KHDRBS2: variants seen among roughly 807,000 people sequenced by gnomAD.
The protein encoded by KHDRBS2 is KH domain-containing, RNA-binding, signal transduction-associated protein 2.
Under a neutral mutation model 44.3 loss-of-function variants are expected in KHDRBS2, and 26 were observed. The observed-to-expected ratio is 0.59, with a 90% CI of 0.43 to 0.81. The LOEUF is 0.81. Among genes scored for constraint, KHDRBS2 ranks in the 40% least tolerant of loss-of-function variants. KHDRBS2 has a pLI of 0.00. For synonymous variants in KHDRBS2, 194 were observed against 151.1 expected, an observed-to-expected ratio of 1.28 and a Z score of -2.08; for missense variants, 476 against 433.1, an observed-to-expected ratio of 1.10 and a Z score of -0.88.
chr6:61,783,641 GAAATAA>G lies in KHDRBS2; in HGVS notation c.811-50883_811-50878del, dbSNP rs1783363059. Among the ~76,000 whole-genome samples, 3 of 151,950 alleles carry G rather than the reference GAAATAA, an allele frequency of 2.0e-5. 1 individual carries two copies. The South Asian group carries it at 6.2e-4, about 32-fold the overall frequency. ...ATAAAATCAAATCGATTTTCTTGCT[GAAATAA>G]ACTTATATAATTAAGATTATCCATG... On this transcript the variant is annotated intron_variant, in intron 6 of 8. Coordinates refer to ENST00000281156, the MANE Select transcript of KHDRBS2 (RefSeq NM_152688.4).
At chr6:62,041,691 T>C (rs369004308) in intron 3 of KHDRBS2, among the ~76,000 whole-genome samples, 43 of 152,244 alleles carry the variant, frequency 2.8e-4, no homozygotes, top group African/African-American at 9.1e-4. Flanking sequence ...ATTAGGTCCC[T>C]GAAAGTTTCC....
chr6:62,008,520 G>T (rs1261281455), intron 3 of KHDRBS2, among the ~76,000 whole-genome samples: 2 of 152,134 alleles, frequency 1.3e-5, no homozygotes, highest in Non-Finnish European at 2.9e-5. Context: ...ATCAATACAG[G>T]ATTCCACTCC....
intron 3 of KHDRBS2, among the ~76,000 whole-genome samples, chr6:61,982,760 C>T (rs1774127048): frequency 6.6e-6 from 1 of 151,606 alleles, no homozygotes; most frequent in African/African-American, 2.4e-5. Context: ...TAAGACCCCT[C>T]ATAAAGTTAA....
At chr6:61,738,558 G>T (rs1242902922) in intron 6 of KHDRBS2, among the ~76,000 whole-genome samples, 1 of 151,934 alleles carries the variant, frequency 6.6e-6, no homozygotes, top group Non-Finnish European at 1.5e-5. Context: ...CTAAAATGAA[G>T]GCCTGAGCTA....
chr6:62,285,843 G>T lies in KHDRBS2; in HGVS notation c.91+15C>A. 1 of 1,597,886 alleles carries T rather than the reference G, an allele frequency of 6.3e-7. No homozygotes were observed. Among genetic ancestry groups the T allele is most frequent in the Non-Finnish European group, 8.6e-7 (1 of 1,167,710 alleles). On this transcript the variant is annotated intron_variant, in intron 1 of 8. Transcript: ENST00000281156. ...CAGCCGGCGGTTTGTGCCCATCTGT[G>T]GGGGCAAGTCCTACCTTCTGCCAAA...
chr6:62,067,074 C>T (rs1291960094), intron 2 of KHDRBS2, among the ~76,000 whole-genome samples: 1 of 151,336 alleles, frequency 6.6e-6, no homozygotes, highest in African/African-American at 2.4e-5. Flanking sequence ...TGTTTAGTAT[C>T]TCATTTAAAT....
chr6:61,772,725 G>A (rs910089858), intron 6 of KHDRBS2, among the ~76,000 whole-genome samples: 2 of 151,808 alleles, frequency 1.3e-5, no homozygotes, highest in African/African-American at 4.8e-5. Context: ...GTGCCACGCT[G>A]GTGTGCTGAA....
intron 2 of KHDRBS2, among the ~76,000 whole-genome samples, chr6:62,064,451 C>G (rs1334314391): frequency 1.2e-3 from 177 of 146,946 alleles, no homozygotes; most frequent in African/African-American, 3.8e-3. Flanking sequence ...CAATGGAACA[C>G]AACAGAGCCC....
chr6:61,646,835 T>A, the KHDRBS2 span, among the ~76,000 whole-genome samples: 23 of 152,274 alleles, frequency 1.5e-4, no homozygotes, highest in East Asian at 2.1e-3. Flanking sequence ...TTATTTATTT[T>A]TTGAGACTGA....
At chr6:62,140,901 G>T (rs190320946) in intron 2 of KHDRBS2, among the ~76,000 whole-genome samples, 1 of 152,288 alleles carries the variant, frequency 6.6e-6, no homozygotes, top group African/African-American at 2.4e-5. Context: ...TGGAAGTCTT[G>T]CATGCAAAGA....
chr6:61,567,443 C>T, the KHDRBS2 span, among the ~76,000 whole-genome samples: 1 of 152,072 alleles, frequency 6.6e-6, no homozygotes, highest in South Asian at 2.1e-4. Context: ...AGACCAGCCT[C>T]AGCAACAAGG....
At chr6:61,916,780 G>A (rs1325696150) in intron 4 of KHDRBS2, among the ~76,000 whole-genome samples, 1 of 151,902 alleles carries the variant, frequency 6.6e-6, no homozygotes, top group African/African-American at 2.4e-5. Flanking sequence ...AAGGGTGAAA[G>A]TGGTATTAGG....
intron 7 of KHDRBS2, among the ~76,000 whole-genome samples, chr6:61,723,615 G>A (rs1476771899): frequency 6.6e-6 from 1 of 151,938 alleles, no homozygotes; most frequent in Non-Finnish European, 1.5e-5. Flanking sequence ...AGAATAGCCA[G>A]TTTAGAGAGG....
At chr6:62,070,576 G>T (rs1317938058) in intron 2 of KHDRBS2, among the ~76,000 whole-genome samples, 1 of 151,770 alleles carries the variant, frequency 6.6e-6, no homozygotes, top group Non-Finnish European at 1.5e-5. Flanking sequence ...ACCTATGAGT[G>T]AGAACACGCG....
chr6:61,623,013 C>T, the KHDRBS2 span, among the ~76,000 whole-genome samples: 1 of 151,976 alleles, frequency 6.6e-6, no homozygotes, highest in Admixed American at 6.6e-5. Flanking sequence ...ATAGGAAGGG[C>T]AGCCATGAGG....
intron 6 of KHDRBS2, among the ~76,000 whole-genome samples, chr6:61,803,854 C>T (rs143049788): frequency 6.6e-6 from 1 of 152,112 alleles, no homozygotes; most frequent in Non-Finnish European, 1.5e-5. Context: ...ATCACAAGAA[C>T]AGCATAGGGG....
At chr6:62,044,410 C>T (rs548266552) in intron 3 of KHDRBS2, among the ~76,000 whole-genome samples, 5 of 151,738 alleles carry the variant, frequency 3.3e-5, no homozygotes, top group East Asian at 1.9e-4. Context: ...CTGAGCCCAA[C>T]GGTGGGTCAA....
chr6:61,612,945 T>G, the KHDRBS2 span, among the ~76,000 whole-genome samples: 5 of 139,630 alleles, frequency 3.6e-5, no homozygotes, highest in Non-Finnish European at 7.6e-5. Context: ...CTCCGCCTCC[T>G]GGGTTCACGC....
chr6:61,599,930 C>T, the KHDRBS2 span, among the ~76,000 whole-genome samples: 2 of 151,974 alleles, frequency 1.3e-5, no homozygotes, highest in Admixed American at 6.6e-5. Flanking sequence ...GACTCTACGA[C>T]AAATGACACA....
Sources: allele counts gnomAD v4.1 joint callset (sites outside exome capture counted in the v4.1 genomes callset), GRCh38; gene constraint gnomAD v4.1.1; transcripts MANE v1.5; gene names NCBI Gene and HGNC (gene_info 2026-07-23, HGNC 2026-07-21).